The following UGT1A10 variants were observed in gnomAD, a reference collection of about 807,000 sequenced individuals.
The protein encoded by UGT1A10 is UDP glucuronosyltransferase family 1 member A10, also known as UDP-glucuronosyltransferase 1A10.
Under a neutral mutation model 45.8 loss-of-function variants are expected in UGT1A10, and 49 were observed. The ratio of observed to expected loss-of-function variants is 1.07; its 90% confidence interval spans 0.85 to 1.36. The LOEUF (loss-of-function observed/expected upper bound fraction) is 1.36. Ranked by LOEUF, UGT1A10 falls within the 40% of genes most tolerant of loss-of-function variation. The probability of loss-of-function intolerance (pLI) is 0.00; values close to 1 mark genes in which losing one functional copy is unlikely to be tolerated. For synonymous variants in UGT1A10, 284 were observed against 249.7 expected, an observed-to-expected ratio of 1.14 and a Z score of -1.29; for missense variants, 745 against 668.6, an observed-to-expected ratio of 1.11 and a Z score of -1.26.
At chr2:233,717,239 G>T (rs28898607) in intron 1 of UGT1A10, among the ~76,000 whole-genome samples, 1 of 152,308 alleles carries the variant, frequency 6.6e-6, no homozygotes, top group East Asian at 1.9e-4. Flanking sequence ...TTAAGATGCA[G>T]ACAGTTTTAA....
rs577388839 is a variant in UGT1A10, at chr2:233,677,482, T to C, written c.855+40105T>C. 2.0e-5 allele frequency among the ~76,000 whole-genome samples: 3 copies of C among 152,280 alleles called. No individual in the cohort carries two copies. In the South Asian group the frequency reaches 6.2e-4, roughly 32 times the overall value. ...ATACCATAAACAGTCAATTAACACA[T>C]AGTTTGTATGTTATTAGTATTATAT... On this transcript the variant is annotated intron_variant, in intron 1 of 4. Coordinates refer to ENST00000344644, the MANE Select transcript of UGT1A10 (RefSeq NM_019075.4).
chr2:233,653,811 G>A (rs2125479483), intron 1 of UGT1A10, among the ~76,000 whole-genome samples: 1 of 152,312 alleles, frequency 6.6e-6, no homozygotes, highest in Middle Eastern at 3.4e-3. Context: ...TGGCCAGGTT[G>A]GTCTTGAACT....
rs527483899 is a variant in UGT1A10 at position 233,768,298 on chromosome 2, T to C, written c.1154T>C (p.Met385Thr). Reference sequence around the variant, plus strand: ...GAAAGCATATGCAATGGCGTTCCCATGGTGATGATGCCCTTGTTTGGTGAT... The same window carrying C: ...GAAAGCATATGCAATGGCGTTCCCACGGTGATGATGCCCTTGTTTGGTGAT... ...VYESICNGVP[M>T]VMMPLFGDQM... The change falls in exon 4 of 5, where the codon ATG becomes ACG. Residue 385 changes from methionine to threonine, a missense_variant. Physicochemically the swap from Met to Thr is moderately conservative, Grantham distance 81. Coordinates refer to ENST00000344644, the MANE Select transcript of UGT1A10 (RefSeq NM_019075.4). 2.2e-5 allele frequency: 35 copies of C among 1,614,192 alleles called. No individual in the cohort carries two copies. In the South Asian group the frequency reaches 3.4e-4, roughly 16 times the overall value.
intron 1 of UGT1A10, among the ~76,000 whole-genome samples, chr2:233,698,935 C>T (rs1430482014): frequency 6.6e-6 from 1 of 152,234 alleles, no homozygotes; most frequent in Non-Finnish European, 1.5e-5. Flanking sequence ...CAGAGGGCTG[C>T]TTGGTTTCTG....
intron 1 of UGT1A10, chr2:233,719,682 T>A: frequency 6.2e-7 from 1 of 1,614,086 alleles, no homozygotes; most frequent in South Asian, 1.1e-5. Flanking sequence ...GAAGCCACTA[T>A]CTCAGGTCTG....
At position 233,672,979 on chromosome 2, in the gene UGT1A10, T is replaced by C. The variant is rs1035878660; in HGVS notation, c.855+35602T>C. 2.0e-5 allele frequency among the ~76,000 whole-genome samples: 3 copies of C among 152,232 alleles called. No homozygotes were observed. The East Asian group carries it at 5.8e-4, about 29-fold the overall frequency. On this transcript the variant is annotated intron_variant, in intron 1 of 4. Transcript: ENST00000344644. ...TTTATAAAACTGCCCTTCTTGAAGA[T>C]ATGTATTTATAACTTATAAAATTGT...
At chr2:233,726,667 G>C (rs150592409) in intron 1 of UGT1A10, among the ~76,000 whole-genome samples, 1 of 152,128 alleles carries the variant, frequency 6.6e-6, no homozygotes, top group Non-Finnish European at 1.5e-5. Flanking sequence ...AATCATATCT[G>C]TGAAGTCTCT....
In UGT1A10 at chr2:233,719,438, A is replaced by C. The variant is rs755711754; in HGVS notation, c.856-47596A>C. 1.9e-6 allele frequency: 3 copies of C among 1,613,802 alleles called. No homozygotes were observed. In the African/African-American group the frequency reaches 4.0e-5, roughly 22 times the overall value. ...TAACGACCAATTCAGACCACATGAC[A>C]TTCCTGCAAAGGGTCAAGAACATGC... On this transcript the variant is annotated intron_variant, in intron 1 of 4. Transcript: ENST00000344644.
chr2:233,765,595 AG>A (rs1698878767), intron 1 of UGT1A10, among the ~76,000 whole-genome samples: 1 of 152,004 alleles, frequency 6.6e-6, no homozygotes, highest in South Asian at 2.1e-4. Flanking sequence ...AACACACACC[AG>A]GGCTTGTGGC....
Position 233,769,575 on chromosome 2 carries a change from G to A in UGT1A10, c.1295+1136G>A. On this transcript the variant is annotated intron_variant, in intron 4 of 4. Coordinates refer to ENST00000344644, the MANE Select transcript of UGT1A10 (RefSeq NM_019075.4). The surrounding 1 kb of genome is among the most constrained non-coding windows in gnomAD (Gnocchi z 4.4). ...AGACAGATGTGAAGAGCTGGAGCAT[G>A]TTCAGATGAGAGGAGACGGAACACG... The A allele has an allele frequency of 6.2e-7, 1 of 1,612,906 alleles. No homozygotes were observed. Among genetic ancestry groups the A allele is most frequent in the Middle Eastern group, 1.7e-4 (1 of 6,060 alleles).
chr2:233,747,722 GT>G (rs574078556), intron 1 of UGT1A10: 15 of 1,612,642 alleles, frequency 9.3e-6, no homozygotes, highest in Middle Eastern at 1.6e-4. Context: ...TTCCTGCTGT[GT>G]TTTTTTTGAG....
At chr2:233,705,460 C>T (rs1045270048) in intron 1 of UGT1A10, among the ~76,000 whole-genome samples, 5 of 152,132 alleles carry the variant, frequency 3.3e-5, no homozygotes, top group Non-Finnish European at 5.9e-5. Flanking sequence ...TATTTTTTAG[C>T]AGACACACAT....
intron 1 of UGT1A10, chr2:233,743,878 C>G (rs1692563278): frequency 7.3e-7 from 1 of 1,367,158 alleles, no homozygotes; most frequent in Non-Finnish European, 9.8e-7. Context: ...CGGATGAGGC[C>G]TGCCGGGGCA....
chr2:233,676,097 G>A (rs1455767022), intron 1 of UGT1A10, among the ~76,000 whole-genome samples: 1 of 152,168 alleles, frequency 6.6e-6, no homozygotes, highest in Non-Finnish European at 1.5e-5. Flanking sequence ...AAATGGGAAA[G>A]AATAGTCTTT....
intron 1 of UGT1A10, among the ~76,000 whole-genome samples, chr2:233,715,641 G>A (rs1196189169): frequency 6.6e-6 from 1 of 152,000 alleles, no homozygotes; most frequent in Non-Finnish European, 1.5e-5. Context: ...GTGTGATGGT[G>A]CACACCTGTG....
At chr2:233,743,823 G>C (rs752406673) in intron 1 of UGT1A10, 36 of 1,367,252 alleles carry the variant, frequency 2.6e-5, no homozygotes, top group Non-Finnish European at 3.4e-5. Flanking sequence ...TTTTTGTCGG[G>C]GTGCCACTTG....
chr2:233,662,909 GTTTA>G (rs199680167), intron 1 of UGT1A10, among the ~76,000 whole-genome samples: 2,894 of 150,760 alleles, frequency 0.019, 47 homozygotes, highest in Admixed American at 0.037. Context: ...TACAGTTTTA[GTTTA>G]TTTATATGGT....
chr2:233,729,495 C>T, intron 1 of UGT1A10: 1 of 1,614,190 alleles, frequency 6.2e-7, no homozygotes, highest in Non-Finnish European at 8.5e-7. Flanking sequence ...TGTCTTTGGT[C>T]TATCATAGGT....
intron 1 of UGT1A10, among the ~76,000 whole-genome samples, chr2:233,709,652 C>CTTTG (rs930878548): frequency 6.6e-6 from 1 of 152,042 alleles, no homozygotes; most frequent in Non-Finnish European, 1.5e-5. Flanking sequence ...ATAGGTAGGG[C>CTTTG]TTTGTATAGT....
Sources: gnomAD v4.1 joint callset for allele counts (sites outside exome capture counted in the v4.1 genomes callset) on GRCh38, gnomAD v4.1.1 for gene constraint, Gnocchi (gnomAD v3.1) non-coding constraint, MANE v1.5 for transcripts, NCBI Gene and HGNC (gene_info 2026-07-23, HGNC 2026-07-21) for gene names.